STIM1: variants seen among roughly 807,000 people sequenced by gnomAD.
The protein encoded by STIM1 is stromal interaction molecule 1.
Under a neutral mutation model 74.7 loss-of-function variants are expected in STIM1, and 25 were observed. That is an observed-to-expected ratio of 0.33 (90% CI 0.24 to 0.47). STIM1 has a LOEUF of 0.47. Ranked by LOEUF, STIM1 falls within the 20% of genes least tolerant of loss-of-function variation. STIM1 has a pLI of 1.00. For synonymous variants in STIM1, 328 were observed against 348.8 expected (o/e 0.94, Z 0.66); for missense variants, 728 against 920.8 (o/e 0.79, Z 2.71).
chr11:3,995,086 T>A (rs76040719), intron 2 of STIM1, among the ~76,000 whole-genome samples: 1 of 10,350 alleles, frequency 9.7e-5, no homozygotes, highest in Non-Finnish European at 4.7e-4. Flanking sequence ...AAATCATGAT[T>A]TTTTTTTTTT....
intron 2 of STIM1, among the ~76,000 whole-genome samples, chr11:3,978,734 G>A (rs1320677508): frequency 6.6e-6 from 1 of 152,074 alleles, no homozygotes; most frequent in African/African-American, 2.4e-5. Context: ...CTGTACTCCA[G>A]CCTGAGTGAC....
chr11:3,915,251 T>G (rs2092625920), intron 1 of STIM1, among the ~76,000 whole-genome samples: 1 of 152,220 alleles, frequency 6.6e-6, no homozygotes, highest in Non-Finnish European at 1.5e-5. Context: ...ACACTGTAGC[T>G]TTAAATTTAT....
At chr11:3,972,774 C>T (rs2093409014) in intron 2 of STIM1, 1 of 452,200 alleles carries the variant, frequency 2.2e-6, no homozygotes, top group Admixed American at 2.4e-5. Flanking sequence ...CTCTGGCTCT[C>T]TTCTGCTAAG....
intron 1 of STIM1, among the ~76,000 whole-genome samples, chr11:3,913,995 A>G (rs1436478856): frequency 2.0e-5 from 3 of 151,874 alleles, no homozygotes; most frequent in African/African-American, 7.3e-5. Flanking sequence ...AAATTTTGTC[A>G]TTTTATTCAT....
chr11:4,047,918 G>A (rs76198499), intron 3 of STIM1, among the ~76,000 whole-genome samples: 52,903 of 151,034 alleles, frequency 0.35, 11,230 homozygotes, highest in Non-Finnish European at 0.46. Context: ...TCCCAGGTTC[G>A]AGTGATTCTT....
At chr11:3,909,750 G>T (rs1232749118) in intron 1 of STIM1, among the ~76,000 whole-genome samples, 2 of 148,632 alleles carry the variant, frequency 1.3e-5, no homozygotes, top group African/African-American at 2.5e-5. Context: ...CATGATCCTG[G>T]CACTGCACTC....
chr11:4,008,796 C>G (rs1724285486), intron 2 of STIM1, among the ~76,000 whole-genome samples: 3 of 152,120 alleles, frequency 2.0e-5, no homozygotes, highest in Admixed American at 1.3e-4. Flanking sequence ...AAAACCCATG[C>G]ACACATGGGG....
At chr11:3,964,726 T>A (rs1389943113) in intron 1 of STIM1, among the ~76,000 whole-genome samples, 1 of 151,152 alleles carries the variant, frequency 6.6e-6, no homozygotes, top group Non-Finnish European at 1.5e-5. Context: ...TTTCTTTAAT[T>A]CTTTTTTTTT....
chr11:3,892,612 A>G (rs189195999), intron 1 of STIM1: 3 of 1,602,744 alleles, frequency 1.9e-6, no homozygotes, highest in African/African-American at 1.3e-5. Flanking sequence ...CAGGACCTGT[A>G]TGCTTTAGGA....
rs755110480 is a variant in STIM1 at position 4,074,603 on chromosome 11, A to T, written c.893A>T (p.Gln298Leu). The part of the protein sequence containing the change: ...DEINLAKQEA[Q>L]RLKELREGTE... ...ATCAACCTTGCTAAGCAGGAAGCCC[A>T]GCGGCTGAAGGAGCTGCGGGAGGGT... Residue 298 changes from glutamine (Q) to leucine (L), a missense_variant, in exon 7 of 13, where the codon CAG becomes CTG. Around this residue, in one of 5 missense-constraint regions of STIM1, gnomAD observed 131 missense variants for 235.9 expected, o/e 0.56. Transcript: ENST00000526596. 6.2e-7 allele frequency: 1 copy of T among 1,612,374 alleles called. No individual in the cohort carries two copies. Among genetic ancestry groups the T allele is most frequent in the African/African-American group, 1.3e-5 (1 of 74,904 alleles).
intron 2 of STIM1, among the ~76,000 whole-genome samples, chr11:4,000,698 C>CT (rs2093707158): frequency 6.6e-6 from 1 of 152,228 alleles, no homozygotes; most frequent in Non-Finnish European, 1.5e-5. Flanking sequence ...TCCAAAGGAA[C>CT]GCAGTTCCTC....
chr11:3,886,574 G>A (rs1431584554), intron 1 of STIM1, among the ~76,000 whole-genome samples: 1 of 150,654 alleles, frequency 6.6e-6, no homozygotes, highest in Non-Finnish European at 1.5e-5. Flanking sequence ...TGTAGTCCCA[G>A]CTACTCGGGA....
At chr11:3,921,137 C>T (rs989698910) in intron 1 of STIM1, among the ~76,000 whole-genome samples, 5 of 152,094 alleles carry the variant, frequency 3.3e-5, no homozygotes, top group African/African-American at 9.7e-5. Context: ...GGTCTCTATC[C>T]TATCTATATT....
chr11:3,889,635 A>G (rs1414266540), intron 1 of STIM1, among the ~76,000 whole-genome samples: 1 of 152,132 alleles, frequency 6.6e-6, no homozygotes, highest in Non-Finnish European at 1.5e-5. Context: ...TATCTTTGAG[A>G]TGGACAAAAT....
intron 1 of STIM1, among the ~76,000 whole-genome samples, chr11:3,871,466 T>C (rs895602040): frequency 3.9e-5 from 6 of 152,142 alleles, no homozygotes; most frequent in South Asian, 4.1e-4. Context: ...TGTTAGGTAG[T>C]AGGGCTGTGG....
intron 1 of STIM1, among the ~76,000 whole-genome samples, chr11:3,908,966 T>G (rs1271430968): frequency 6.6e-6 from 1 of 152,090 alleles, no homozygotes; most frequent in African/African-American, 2.4e-5. Flanking sequence ...ACACAGAAAG[T>G]GAGGGGGGTT....
At chr11:3,894,356 C>T (rs2091990509) in intron 1 of STIM1, among the ~76,000 whole-genome samples, 1 of 152,252 alleles carries the variant, frequency 6.6e-6, no homozygotes, top group East Asian at 1.9e-4. Context: ...GGTGGACTGT[C>T]TTACCCTAGA....
intron 5 of STIM1, among the ~76,000 whole-genome samples, chr11:4,061,034 T>C (rs979446883): frequency 2.0e-5 from 3 of 152,210 alleles, no homozygotes; most frequent in African/African-American, 7.2e-5. Context: ...TTGCAGAGGT[T>C]CTCCTCTGTC....
Position 4,078,506 on chromosome 11 carries a change from T to A in STIM1, c.970-3678T>A, listed in dbSNP as rs2094448742. Among the ~76,000 whole-genome samples, 4 of 152,134 alleles carry A rather than the reference T, an allele frequency of 2.6e-5. No homozygotes were observed. In the South Asian group the frequency reaches 6.2e-4, roughly 24 times the overall value. ...ACAAATCATCTTAGAAAGGCTTTTT[T>A]TCTCTCTGACTTTTGGTTTATCTAG... On this transcript the variant is annotated intron_variant, in intron 7 of 12. Coordinates refer to ENST00000526596, the MANE Select transcript of STIM1 (RefSeq NM_001382567.1).
Sources: allele counts gnomAD v4.1 joint callset (sites outside exome capture counted in the v4.1 genomes callset), GRCh38; gene constraint gnomAD v4.1.1; regional missense constraint gnomAD v4.1.1; transcripts MANE v1.5; gene names NCBI Gene and HGNC (gene_info 2026-07-23, HGNC 2026-07-21).